Variants in POTEJ observed in about 807,000 individuals in gnomAD.
POTEJ encodes the protein POTE ankyrin domain family member J.
Under a neutral mutation model 69.0 loss-of-function variants are expected in POTEJ, and 11 were observed. The observed-to-expected ratio is 0.16, with a 90% CI of 0.10 to 0.26. The LOEUF (loss-of-function observed/expected upper bound fraction) is 0.26. Ranked by LOEUF, POTEJ falls within the 10% of genes least tolerant of loss-of-function variation. The pLI, the probability that POTEJ is intolerant of heterozygous loss-of-function variation, is 1.00. For missense variants in POTEJ, 327 were observed against 1,045.5 expected, an observed-to-expected ratio of 0.31 and a Z score of 9.48; for synonymous variants, 117 against 381.1, an observed-to-expected ratio of 0.31 and a Z score of 8.07.
chr2:130,632,800 G>A (rs1246328605), intron 9 of POTEJ, 144 bp downstream of exon 9: 30 of 1,263,638 alleles, frequency 2.4e-5, no homozygotes, highest in South Asian at 2.3e-4. Context: ...GAAAATCAGC[G>A]AACAATGAGT....
intron 3 of POTEJ, among the ~76,000 whole-genome samples, chr2:130,618,236 C>A (rs1207807499): frequency 6.6e-6 from 1 of 152,308 alleles, no homozygotes; most frequent in Admixed American, 6.5e-5. Context: ...CTACTCCTTA[C>A]TCTTTTTGGC....
At chr2:130,611,312 G>A (rs1266088427), upstream of POTEJ, among the ~76,000 whole-genome samples, 10 of 118,398 alleles carry the variant, frequency 8.4e-5, no homozygotes, top group South Asian at 7.7e-4. Context: ...GGGGGGGGGG[G>A]TTGGCCCTTC....
chr2:130,626,764 C>T (rs1685723626), intron 6 of POTEJ, among the ~76,000 whole-genome samples: 1 of 152,158 alleles, frequency 6.6e-6, no homozygotes, highest in Admixed American at 6.5e-5. Context: ...ACAAGGTTTT[C>T]ACCCGTCCTT....
chr2:130,612,944 ATG>A (rs1304824297), intron 1 of POTEJ, among the ~76,000 whole-genome samples: 2 of 135,154 alleles, frequency 1.5e-5, no homozygotes, highest in African/African-American at 2.8e-5. Flanking sequence ...CAAAATGTGC[ATG>A]TGTTATTTAT....
intron 9 of POTEJ, among the ~76,000 whole-genome samples, chr2:130,632,944 G>A (rs1315651370): frequency 4.1e-5 from 6 of 147,286 alleles, no homozygotes; most frequent in Non-Finnish European, 6.0e-5. Context: ...TATTATATAG[G>A]TAAAGTGTAT....
chr2:130,630,470 CT>C, intron 7 of POTEJ, among the ~76,000 whole-genome samples: 1 of 129,962 alleles, frequency 7.7e-6, no homozygotes, highest in Non-Finnish European at 1.6e-5. Flanking sequence ...CAATGTAACT[CT>C]GATGGTCCCT....
chr2:130,646,392 A>G, intron 13 of POTEJ, 82 bp downstream of exon 13: 1 of 499,876 alleles, frequency 2.0e-6, no homozygotes, highest in Non-Finnish European at 3.6e-6. Context: ...CATGATGAAC[A>G]AATTTTATAC....
intron 10 of POTEJ, among the ~76,000 whole-genome samples, chr2:130,640,993 G>A (rs1418415867): frequency 2.0e-5 from 3 of 151,958 alleles, no homozygotes; most frequent in Admixed American, 6.6e-5. Flanking sequence ...TGGGTTAGCA[G>A]GCTTTTTCTT....
At chr2:130,613,176 A>G (rs1573966049) in intron 1 of POTEJ, among the ~76,000 whole-genome samples, 1 of 146,786 alleles carries the variant, frequency 6.8e-6, no homozygotes, top group East Asian at 1.9e-4. Context: ...TTAAACATAC[A>G]AAAGGAGAAA....
At chr2:130,638,512 T>A (rs1309855968) in intron 9 of POTEJ, 107 bp from the exon 10 acceptor site, 1 of 540,012 alleles carries the variant, frequency 1.9e-6, no homozygotes, top group African/African-American at 1.9e-5. Flanking sequence ...ACTGTTAAGT[T>A]CTGATATTCT....
intron 10 of POTEJ, among the ~76,000 whole-genome samples, 158 bp downstream of exon 10, chr2:130,638,847 A>G (rs1213083672): frequency 6.6e-6 from 1 of 152,298 alleles, no homozygotes. Context: ...GCTACTTTAT[A>G]TTATTATTAC....
chr2:130,622,971 A>C (rs1305295282), intron 5 of POTEJ: 5 of 144,398 alleles, frequency 3.5e-5, no homozygotes, highest in East Asian at 1.9e-4. Flanking sequence ...TCATTTGACT[A>C]TTTGCTGACT....
In POTEJ at chr2:130,656,980, C is replaced by A; in HGVS notation, c.2220C>A (p.Thr740=). 6.3e-7 allele frequency: 1 copy of A among 1,586,714 alleles called. No individual in the cohort carries two copies. Among genetic ancestry groups the A allele is most frequent in the South Asian group, 1.1e-5 (1 of 90,798 alleles). ...ACCCCATGGAACACGGCATCATCAC[C>A]AACTGGGATGACATGGAGAAGATCT... ...LKYPMEHGII[T]NWDDMEKIWH... The change falls in exon 15 of 15, where the codon ACC becomes ACA. Residue 740 remains threonine, a synonymous_variant. Transcript: ENST00000409602.
At chr2:130,617,931 TGA>T in intron 3 of POTEJ, among the ~76,000 whole-genome samples, 1 of 152,256 alleles carries the variant, frequency 6.6e-6, no homozygotes, top group Non-Finnish European at 1.5e-5. Flanking sequence ...GGTTGTAAAC[TGA>T]ATAGAGATCA....
intron 6 of POTEJ, among the ~76,000 whole-genome samples, chr2:130,628,947 G>A (rs548644515): frequency 7.6e-4 from 112 of 147,746 alleles, no homozygotes; most frequent in Admixed American, 1.5e-3. Context: ...GAACCAGGGA[G>A]TGTCAGAGGT....
chr2:130,642,180 A>C (rs1362966263), intron 10 of POTEJ, among the ~76,000 whole-genome samples: 1 of 145,732 alleles, frequency 6.9e-6, no homozygotes, highest in African/African-American at 2.6e-5. Context: ...GCAGGACATA[A>C]TGAAAAGAAG....
At chr2:130,649,910 A>C (rs1364228602) in intron 13 of POTEJ, among the ~76,000 whole-genome samples, 20 of 150,634 alleles carry the variant, frequency 1.3e-4, no homozygotes, top group African/African-American at 4.8e-4. Flanking sequence ...TCTAAGAAGA[A>C]GAAAAAGGGT....
chr2:130,625,412 T>C (rs1285091381), intron 6 of POTEJ, among the ~76,000 whole-genome samples: 1 of 151,680 alleles, frequency 6.6e-6, no homozygotes, highest in Non-Finnish European at 1.5e-5. Flanking sequence ...ATTTTACTAC[T>C]TTATTCAGTG....
intron 9 of POTEJ, among the ~76,000 whole-genome samples, chr2:130,636,082 C>A (rs1476166000): frequency 6.9e-6 from 1 of 144,754 alleles, no homozygotes; most frequent in Non-Finnish European, 1.5e-5. Flanking sequence ...CTGTATCTAC[C>A]CCTAGTGCTT....
Sources: allele counts gnomAD v4.1 joint callset (sites outside exome capture counted in the v4.1 genomes callset), GRCh38; gene constraint gnomAD v4.1.1; transcripts MANE v1.5; gene names NCBI Gene and HGNC (gene_info 2026-07-23, HGNC 2026-07-21).